Variants in TNIK observed in about 807,000 individuals in gnomAD.
TNIK encodes TRAF2 and NCK interacting kinase, also known as TRAF2 and NCK-interacting protein kinase.
A neutral mutation model predicts 191.3 loss-of-function variants in TNIK; 49 were observed. That is an observed-to-expected ratio of 0.26 (90% CI 0.20 to 0.32). The LOEUF (loss-of-function observed/expected upper bound fraction) is 0.32. Ranked by LOEUF, TNIK falls within the 10% of genes least tolerant of loss-of-function variation. TNIK has a pLI of 1.00. For synonymous variants in TNIK, 594 were observed against 600.9 expected, an observed-to-expected ratio of 0.99 and a Z score of 0.17; for missense variants, 1,155 against 1,702.3, an observed-to-expected ratio of 0.68 and a Z score of 5.66.
intron 3 of TNIK, among the ~76,000 whole-genome samples, chr3:171,222,522 T>C (rs752044730): frequency 2.6e-5 from 4 of 152,180 alleles, no homozygotes; most frequent in Non-Finnish European, 5.9e-5. Context: ...CTATTAATTA[T>C]GCCACTGAAC....
chr3:171,203,644 A>T (rs926756606), intron 4 of TNIK, among the ~76,000 whole-genome samples: 3 of 152,262 alleles, frequency 2.0e-5, no homozygotes, highest in Non-Finnish European at 1.5e-5. Context: ...CAACATATTT[A>T]TCATGGCAGC....
intron 2 of TNIK, among the ~76,000 whole-genome samples, chr3:171,254,177 T>C (rs1370323888): frequency 6.6e-6 from 1 of 152,198 alleles, no homozygotes; most frequent in Non-Finnish European, 1.5e-5. Context: ...AGACCTTCCA[T>C]ACCTCATTTA....
intron 1 of TNIK, among the ~76,000 whole-genome samples, chr3:171,381,060 A>ATT (rs5854420): frequency 1.3e-4 from 19 of 151,420 alleles, no homozygotes; most frequent in African/African-American, 3.4e-4. Flanking sequence ...ATTTGCATCT[A>ATT]TTTTTTTTTC....
chr3:171,196,055 CA>C (rs1216268791), intron 4 of TNIK, among the ~76,000 whole-genome samples: 4 of 152,068 alleles, frequency 2.6e-5, no homozygotes, highest in Non-Finnish European at 5.9e-5. Context: ...CCCCACCACC[CA>C]AAGAATATGA....
intron 2 of TNIK, among the ~76,000 whole-genome samples, chr3:171,248,624 A>G (rs1304516652): frequency 6.6e-6 from 1 of 152,216 alleles, no homozygotes; most frequent in Admixed American, 6.5e-5. Flanking sequence ...ACAGGCTGGA[A>G]GCATCAAAGG....
At chr3:171,174,211 G>A (rs937899064) in intron 9 of TNIK, among the ~76,000 whole-genome samples, 2 of 152,120 alleles carry the variant, frequency 1.3e-5, no homozygotes, top group Non-Finnish European at 1.5e-5. Flanking sequence ...GATGACTGGT[G>A]GTAATTAAGG....
intron 2 of TNIK, among the ~76,000 whole-genome samples, chr3:171,320,549 G>A (rs1755067153): frequency 6.6e-6 from 1 of 152,120 alleles, no homozygotes; most frequent in Non-Finnish European, 1.5e-5. Flanking sequence ...GTCACTACTT[G>A]ATTCTTTGTT....
intron 2 of TNIK, among the ~76,000 whole-genome samples, chr3:171,282,334 G>GGTT (rs1553878294): frequency 4.4e-5 from 5 of 114,550 alleles, no homozygotes; most frequent in African/African-American, 1.7e-4. Context: ...TCTCTTAATG[G>GGTT]TTTTTTGTTT....
chr3:171,231,317 G>T (rs1023698096), intron 2 of TNIK, among the ~76,000 whole-genome samples: 187 of 139,950 alleles, frequency 1.3e-3, no homozygotes, highest in Admixed American at 8.1e-3. Context: ...TTGTTGTTTT[G>T]TTTTTTTTTT....
chr3:171,421,693 A>G (rs1723818476), intron 1 of TNIK, among the ~76,000 whole-genome samples: 1 of 151,052 alleles, frequency 6.6e-6, no homozygotes, highest in South Asian at 2.1e-4. Flanking sequence ...TTGAATAAGA[A>G]GACCTAGCTC....
intron 1 of TNIK, among the ~76,000 whole-genome samples, chr3:171,438,504 ACT>A (rs1407238378): frequency 6.6e-6 from 1 of 152,218 alleles, no homozygotes; most frequent in African/African-American, 2.4e-5. Context: ...TGTTAGGCAC[ACT>A]GCAGAATGCA....
At position 171,141,445 on chromosome 3, in the gene TNIK, C is replaced by T. The variant is rs184433610; in HGVS notation, c.1222-936G>A. On this transcript the variant is annotated intron_variant, in intron 12 of 32. Transcript: ENST00000436636. Reference sequence around the variant, plus strand: ...GATAGAAAGATCACAAAGTATCTGGCTCTTCATTATACTCTCAGGAAAGGA... The same window carrying T: ...GATAGAAAGATCACAAAGTATCTGGTTCTTCATTATACTCTCAGGAAAGGA... Among the ~76,000 whole-genome samples, 335 of 152,310 alleles carry T rather than the reference C, an allele frequency of 2.2e-3. 3 individuals carry two copies. The highest frequency in any genetic ancestry group is 1.8e-3 in the Non-Finnish European group (125 of 68,020).
At position 171,331,414 on chromosome 3, in the gene TNIK, C is replaced by A. The variant is rs569476530; in HGVS notation, c.123+38206G>T. ...TATTATTTTTAGCTTCCAGTTTTGG[C>A]GAGTTGATCAGTCAAAACAAAGTAT... On this transcript the variant is annotated intron_variant, in intron 2 of 32. Transcript: ENST00000436636. Among the ~76,000 whole-genome samples the A allele has an allele frequency of 4.6e-5, 7 of 152,234 alleles. 1 individual carries two copies. In the South Asian group the frequency reaches 1.4e-3, roughly 32 times the overall value.
chr3:171,104,812 G>GT (rs1243125315), intron 21 of TNIK, among the ~76,000 whole-genome samples: 4 of 152,104 alleles, frequency 2.6e-5, no homozygotes, highest in African/African-American at 7.2e-5. Context: ...GGAAAAGGGG[G>GT]TTGAACCCCT....
At chr3:171,224,696 T>C (rs1577172773) in intron 3 of TNIK, among the ~76,000 whole-genome samples, 1 of 152,246 alleles carries the variant, frequency 6.6e-6, no homozygotes, top group East Asian at 1.9e-4. Flanking sequence ...ATGCTGATGG[T>C]CCACTTTAAG....
chr3:171,076,232 A>T (rs1413375860), intron 28 of TNIK, among the ~76,000 whole-genome samples: 2 of 152,064 alleles, frequency 1.3e-5, no homozygotes, highest in Non-Finnish European at 2.9e-5. Context: ...ATATTGTGTC[A>T]AGGTTATCTG....
At chr3:171,121,762 A>C (rs1727777527) in intron 18 of TNIK, among the ~76,000 whole-genome samples, 1 of 152,220 alleles carries the variant, frequency 6.6e-6, no homozygotes, top group African/African-American at 2.4e-5. Context: ...TTAAAAATGC[A>C]ATCCAATCTA....
intron 10 of TNIK, among the ~76,000 whole-genome samples, chr3:171,163,295 T>G (rs1734233790): frequency 6.6e-6 from 1 of 152,208 alleles, no homozygotes; most frequent in Non-Finnish European, 1.5e-5. Flanking sequence ...ATTACTCCTA[T>G]CTCTTCATAG....
At chr3:171,067,129 G>A (rs1173535936) in intron 30 of TNIK, among the ~76,000 whole-genome samples, 1 of 152,050 alleles carries the variant, frequency 6.6e-6, no homozygotes, top group Non-Finnish European at 1.5e-5. Context: ...GGTAGAGTTG[G>A]GATTTGTGTA....
Sources: gnomAD v4.1 joint callset for allele counts (sites outside exome capture counted in the v4.1 genomes callset) on GRCh38, gnomAD v4.1.1 for gene constraint, MANE v1.5 for transcripts, NCBI Gene and HGNC (gene_info 2026-07-23, HGNC 2026-07-21) for gene names.